The following NDST4 variants were observed in gnomAD, a reference collection of about 807,000 sequenced individuals.
The protein encoded by NDST4 is N-deacetylase and N-sulfotransferase 4.
Under a neutral mutation model 100.8 loss-of-function variants are expected in NDST4, and 63 were observed. That is an observed-to-expected ratio of 0.62 (90% CI 0.51 to 0.77). The LOEUF (loss-of-function observed/expected upper bound fraction) is 0.77, where lower values mean the gene tolerates loss of function less well. Among genes scored for constraint, NDST4 ranks in the 30% least tolerant of loss-of-function variants. The pLI is 0.00. For synonymous variants in NDST4, 377 were observed against 361.8 expected, an observed-to-expected ratio of 1.04 and a Z score of -0.48; for missense variants, 943 against 1,018.4, an observed-to-expected ratio of 0.93 and a Z score of 1.01.
At chr4:115,039,909 T>G (rs1728314666) in intron 2 of NDST4, among the ~76,000 whole-genome samples, 1 of 152,126 alleles carries the variant, frequency 6.6e-6, no homozygotes. Flanking sequence ...CATTTTCCAT[T>G]ATCTCATGAT....
intron 2 of NDST4, among the ~76,000 whole-genome samples, chr4:115,013,340 A>T (rs6858653): frequency 1.5e-4 from 6 of 39,344 alleles, no homozygotes; most frequent in Non-Finnish European, 5.7e-4. Context: ...ATAAAAATAT[A>T]AATACCATAT....
At chr4:115,012,656 AACT>A (rs886942373) in intron 2 of NDST4, among the ~76,000 whole-genome samples, 1 of 152,064 alleles carries the variant, frequency 6.6e-6, no homozygotes, top group African/African-American at 2.4e-5. Context: ...TGAAAAATAG[AACT>A]ACCATATGAT....
intron 2 of NDST4, among the ~76,000 whole-genome samples, chr4:115,050,715 GCA>G (rs1370686138): frequency 6.6e-6 from 1 of 152,096 alleles, no homozygotes; most frequent in African/African-American, 2.4e-5. Context: ...GAGGAAACAG[GCA>G]CAGTTTGTGA....
At chr4:115,053,567 A>G (rs915794471) in intron 2 of NDST4, among the ~76,000 whole-genome samples, 2 of 152,102 alleles carry the variant, frequency 1.3e-5, no homozygotes, top group Non-Finnish European at 2.9e-5. Flanking sequence ...ATGCTTGTGT[A>G]CTTTTGATGT....
chr4:114,981,529 C>G (rs1253198750), intron 2 of NDST4, among the ~76,000 whole-genome samples: 1 of 152,046 alleles, frequency 6.6e-6, no homozygotes, highest in East Asian at 1.9e-4. Flanking sequence ...TGAAATGAAT[C>G]ACCAGCATGC....
At chr4:114,965,542 A>C (rs1248848844) in intron 4 of NDST4, among the ~76,000 whole-genome samples, 1 of 152,016 alleles carries the variant, frequency 6.6e-6, no homozygotes, top group Non-Finnish European at 1.5e-5. Flanking sequence ...TCTTTATTTC[A>C]AGAATCTTCA....
chr4:114,972,405 T>C (rs1179513927), intron 3 of NDST4, among the ~76,000 whole-genome samples: 1 of 152,012 alleles, frequency 6.6e-6, no homozygotes, highest in Non-Finnish European at 1.5e-5. Context: ...AGTTAAGAAA[T>C]TCTATTACTA....
chr4:114,831,705 C>T (rs1258110364), intron 12 of NDST4, among the ~76,000 whole-genome samples: 2 of 152,084 alleles, frequency 1.3e-5, no homozygotes, highest in East Asian at 3.9e-4. Flanking sequence ...TCCAGAATAC[C>T]GAAAGTCATT....
chr4:114,982,694 C>A (rs1449092420), intron 2 of NDST4, among the ~76,000 whole-genome samples: 2 of 152,160 alleles, frequency 1.3e-5, no homozygotes, highest in Admixed American at 1.3e-4. Context: ...CAAGCCCAAG[C>A]CAGCTGCAGA....
intron 3 of NDST4, among the ~76,000 whole-genome samples, chr4:114,974,745 T>C: frequency 6.6e-6 from 1 of 152,144 alleles, no homozygotes; most frequent in Non-Finnish European, 1.5e-5. Context: ...AGCTTAGTGG[T>C]ATGCCCTTTT....
At chr4:114,995,918 T>C (rs954465975) in intron 2 of NDST4, among the ~76,000 whole-genome samples, 5 of 152,118 alleles carry the variant, frequency 3.3e-5, no homozygotes, top group Admixed American at 6.6e-5. Context: ...AAAGAATTAA[T>C]GTGCAATATA....
At chr4:114,836,254 T>C (rs1723302928) in intron 11 of NDST4, among the ~76,000 whole-genome samples, 1 of 152,202 alleles carries the variant, frequency 6.6e-6, no homozygotes, top group Non-Finnish European at 1.5e-5. Context: ...GATGCAGGTT[T>C]TTTCCTTTCC....
At chr4:115,043,122 A>T (rs1728389256) in intron 2 of NDST4, among the ~76,000 whole-genome samples, 1 of 152,106 alleles carries the variant, frequency 6.6e-6, no homozygotes. Flanking sequence ...ATAGTCATTC[A>T]GTTTTAAAAT....
intron 1 of NDST4, among the ~76,000 whole-genome samples, chr4:115,091,392 A>G (rs2126294975): frequency 6.6e-6 from 1 of 152,260 alleles, no homozygotes; most frequent in South Asian, 2.1e-4. Context: ...ACATAAAATG[A>G]ACAATATGAA....
At chr4:114,862,578 C>T (rs1425994994) in intron 7 of NDST4, among the ~76,000 whole-genome samples, 1 of 152,078 alleles carries the variant, frequency 6.6e-6, no homozygotes, top group Non-Finnish European at 1.5e-5. Context: ...TTTGTGAGCT[C>T]GTTCTTGGTT....
At chr4:114,902,388 T>G (rs1192497702) in intron 6 of NDST4, among the ~76,000 whole-genome samples, 1 of 152,058 alleles carries the variant, frequency 6.6e-6, no homozygotes, top group Non-Finnish European at 1.5e-5. Context: ...TGTCTGAACA[T>G]TTTAGATATT....
At chr4:115,037,680 G>A (rs1003103915) in intron 2 of NDST4, among the ~76,000 whole-genome samples, 3 of 152,000 alleles carry the variant, frequency 2.0e-5, no homozygotes, top group African/African-American at 7.2e-5. Context: ...TTAAATTAAT[G>A]ACTAAATAGT....
intron 7 of NDST4, among the ~76,000 whole-genome samples, chr4:114,866,013 A>C (rs1346652426): frequency 6.6e-6 from 1 of 152,240 alleles, no homozygotes; most frequent in Non-Finnish European, 1.5e-5. Flanking sequence ...AAAAATATTT[A>C]AGATAATAAT....
intron 2 of NDST4, among the ~76,000 whole-genome samples, chr4:115,071,647 T>A (rs558687619): frequency 6.6e-6 from 1 of 152,092 alleles, no homozygotes; most frequent in African/African-American, 2.4e-5. Context: ...AAATTGTCGG[T>A]AGCTATGCAA....
Sources: allele counts gnomAD v4.1 joint callset (sites outside exome capture counted in the v4.1 genomes callset), GRCh38; gene constraint gnomAD v4.1.1; transcripts MANE v1.5; gene names NCBI Gene and HGNC (gene_info 2026-07-23, HGNC 2026-07-21).